Variants in PAPPA2 observed in about 807,000 individuals in gnomAD.
PAPPA2 encodes pappalysin-2.
PAPPA2 carries 86 observed loss-of-function variants against 176.4 expected under a neutral mutation model. The observed-to-expected ratio is 0.49, with a 90% CI of 0.41 to 0.58. PAPPA2 has a LOEUF of 0.58. PAPPA2 is among the 20% of genes least tolerant of loss of function. The probability of loss-of-function intolerance (pLI) is 0.00; values close to 1 mark genes in which losing one functional copy is unlikely to be tolerated. For missense variants in PAPPA2, 2,073 were observed against 2,256.9 expected (o/e 0.92, Z 1.65); for synonymous variants, 809 against 852.2 (o/e 0.95, Z 0.88).
chr1:176,495,790 TG>T (rs1335674590), intron 1 of PAPPA2, among the ~76,000 whole-genome samples: 1 of 148,446 alleles, frequency 6.7e-6, no homozygotes, highest in Non-Finnish European at 1.5e-5. Context: ...AAATAAATTT[TG>T]GTGTGAATTT....
chr1:176,735,677 AATCTATCTATCTATCTATCTATCTATCT>A (rs55758426), intron 12 of PAPPA2, among the ~76,000 whole-genome samples: 33 of 144,382 alleles, frequency 2.3e-4, no homozygotes, highest in African/African-American at 6.2e-4. Flanking sequence ...CATCTCTCAG[AATCTATCTATCTATCTATCTATCTATCT>A]ATCTATCTAT....
At chr1:176,740,728 C>G (rs1662641095) in intron 14 of PAPPA2, among the ~76,000 whole-genome samples, 1 of 152,146 alleles carries the variant, frequency 6.6e-6, no homozygotes, top group East Asian at 1.9e-4. Flanking sequence ...ATGAGGTTCA[C>G]TAGCATCTCA....
At chr1:176,665,041 A>G (rs942043509) in intron 3 of PAPPA2, among the ~76,000 whole-genome samples, 4 of 152,146 alleles carry the variant, frequency 2.6e-5, no homozygotes, top group Non-Finnish European at 4.4e-5. Context: ...TACTTGTGTC[A>G]TAGAAAGAGT....
chr1:176,840,760 C>T lies in PAPPA2; in HGVS notation c.5301+489C>T, dbSNP rs149113744. Among the ~76,000 whole-genome samples the T allele has an allele frequency of 1.7e-3, 261 of 152,276 alleles. 1 individual carries two copies. In the Middle Eastern group the frequency reaches 0.024, roughly 14 times the overall value. On this transcript the variant is annotated intron_variant, in intron 22 of 22. Coordinates refer to ENST00000367662, the MANE Select transcript of PAPPA2 (RefSeq NM_020318.3). The stretch of plus-strand genomic sequence containing the variant: ...GTGAGCAATTATCCTTTCTAATGCC[C>T]TTTATCCCTGTTATTCTTGGCTCTG...
At chr1:176,788,590 C>T (rs1352465724) in intron 17 of PAPPA2, among the ~76,000 whole-genome samples, 1 of 152,162 alleles carries the variant, frequency 6.6e-6, no homozygotes, top group African/African-American at 2.4e-5. Context: ...AAATGGAAAG[C>T]ACTTTCAAAC....
At chr1:176,809,951 AGTGTGTGTGTGTGTGT>A (rs55858181) in intron 21 of PAPPA2, among the ~76,000 whole-genome samples, 275 of 133,792 alleles carry the variant, frequency 2.1e-3, no homozygotes, top group Admixed American at 4.0e-3. Flanking sequence ...GACAAGATGC[AGTGTGTGTGTGTGTGT>A]GTGTGTGTGT....
rs578209842 is a variant in PAPPA2, at chr1:176,792,380, T to A, written c.5020+898T>A. ...TCTAACCAATGCCAATGAGTATAAT[T>A]TGCATTAATTAGGAAGCTCATTGCC... On this transcript the variant is annotated intron_variant, in intron 19 of 22. Coordinates refer to ENST00000367662, the MANE Select transcript of PAPPA2 (RefSeq NM_020318.3). Among the ~76,000 whole-genome samples, 25 of 152,334 alleles carry A rather than the reference T, an allele frequency of 1.6e-4. No homozygotes were observed. The South Asian group carries it at 5.2e-3, about 32-fold the overall frequency.
Position 176,594,718 on chromosome 1 carries a change from G to A in PAPPA2, c.1114G>A (p.Asp372Asn), listed in dbSNP as rs867343882. ...GTWTHVAATY[D>N]GRHMALYVDG... Reference sequence around the variant, plus strand: ...ATGGACCCATGTGGCAGCCACTTACGATGGACGGCACATGGCCCTGTATGT... The same window carrying A: ...ATGGACCCATGTGGCAGCCACTTACAATGGACGGCACATGGCCCTGTATGT... Residue 372 changes from aspartate (D) to asparagine (N), a missense_variant, in exon 3 of 23, where the codon GAT becomes AAT. By Grantham distance (23) the Asp-to-Asn change is conservative. Around this residue, in one of 4 missense-constraint regions of PAPPA2, gnomAD observed 1,196 missense variants for 1,330.4 expected, o/e 0.90. Coordinates refer to ENST00000367662, the MANE Select transcript of PAPPA2 (RefSeq NM_020318.3). 18 of 1,614,096 alleles carry A rather than the reference G, an allele frequency of 1.1e-5. 1 individual carries two copies. Among genetic ancestry groups the A allele is most frequent in the African/African-American group, 4.0e-5 (3 of 74,944 alleles).
intron 17 of PAPPA2, among the ~76,000 whole-genome samples, chr1:176,780,108 A>G (rs1664646525): frequency 6.6e-6 from 1 of 152,216 alleles, no homozygotes; most frequent in Non-Finnish European, 1.5e-5. Flanking sequence ...ATAAGGGACA[A>G]TGCAAATAAC....
intron 3 of PAPPA2, chr1:176,616,563 G>T: frequency 6.9e-7 from 1 of 1,442,348 alleles, no homozygotes; most frequent in Non-Finnish European, 9.6e-7. Context: ...CTGGTTGGAT[G>T]GTGGTGCACC....
chr1:176,541,254 G>A (rs1201107455), intron 1 of PAPPA2, among the ~76,000 whole-genome samples: 1 of 152,194 alleles, frequency 6.6e-6, no homozygotes, highest in African/African-American at 2.4e-5. Flanking sequence ...GCAGTTAGAG[G>A]CTTCCACATG....
intron 2 of PAPPA2, among the ~76,000 whole-genome samples, chr1:176,571,139 C>T (rs140451767): frequency 2.0e-5 from 3 of 152,260 alleles, no homozygotes; most frequent in Admixed American, 6.5e-5. Flanking sequence ...CTCATACACA[C>T]AGAACTTGAT....
intron 21 of PAPPA2, among the ~76,000 whole-genome samples, chr1:176,801,916 C>T (rs1665699271): frequency 1.3e-5 from 2 of 152,048 alleles, no homozygotes; most frequent in Non-Finnish European, 2.9e-5. Flanking sequence ...GTCGTCAGTC[C>T]CTTTGTTGAT....
At chr1:176,484,777 C>A (rs145092836) in intron 1 of PAPPA2, among the ~76,000 whole-genome samples, 1,539 of 152,282 alleles carry the variant, frequency 0.01, 15 homozygotes, top group Non-Finnish European at 0.016. Flanking sequence ...TCCATTAGAA[C>A]CTTTAGCTTA....
chr1:176,614,113 G>A (rs1484232357), intron 3 of PAPPA2, among the ~76,000 whole-genome samples: 2 of 152,210 alleles, frequency 1.3e-5, no homozygotes, highest in Non-Finnish European at 2.9e-5. Context: ...TGAAGAATGA[G>A]TAAGCTACTA....
At chr1:176,695,709 C>G (rs776284911) in intron 6 of PAPPA2, 29 bp from the exon 7 acceptor site, 2 of 1,612,198 alleles carry the variant, frequency 1.2e-6, no homozygotes, top group Non-Finnish European at 1.7e-6. Flanking sequence ...CTCTCCTCAT[C>G]TCCCATCTCC....
chr1:176,744,011 A>C (rs987400322), intron 14 of PAPPA2, among the ~76,000 whole-genome samples: 2 of 152,188 alleles, frequency 1.3e-5, no homozygotes, highest in African/African-American at 4.8e-5. Context: ...CTTTTTCTTC[A>C]ATCTGCATAG....
chr1:176,706,956 A>G (rs1660908157), intron 10 of PAPPA2, among the ~76,000 whole-genome samples: 1 of 152,190 alleles, frequency 6.6e-6, no homozygotes, highest in Admixed American at 6.5e-5. Flanking sequence ...AGAGGATCCT[A>G]ACATATTTTA....
At chr1:176,799,767 A>G (rs1283783728) in intron 20 of PAPPA2, among the ~76,000 whole-genome samples, 1 of 152,236 alleles carries the variant, frequency 6.6e-6, no homozygotes, top group Non-Finnish European at 1.5e-5. Flanking sequence ...AATATTGAGG[A>G]TGCTTTTTTA....
Sources: gnomAD v4.1 joint callset for allele counts (sites outside exome capture counted in the v4.1 genomes callset) on GRCh38, gnomAD v4.1.1 for gene constraint, gnomAD v4.1.1 regional missense constraint, MANE v1.5 for transcripts, NCBI Gene and HGNC (gene_info 2026-07-23, HGNC 2026-07-21) for gene names.